The following CDH13 variants were observed in gnomAD, a reference collection of about 807,000 sequenced individuals.
CDH13 encodes cadherin-13.
A neutral mutation model predicts 63.8 loss-of-function variants in CDH13; 24 were observed. The ratio of observed to expected loss-of-function variants is 0.38; its 90% confidence interval spans 0.27 to 0.53. The LOEUF is 0.53. Among genes scored for constraint, CDH13 ranks in the 20% least tolerant of loss-of-function variants. CDH13 has a pLI of 0.85. For missense variants in CDH13, 1,049 were observed against 903.1 expected (o/e 1.16, Z -2.07); for synonymous variants, 503 against 355.3 (o/e 1.42, Z -4.67).
At chr16:83,751,926 G>A (rs1410211894) in intron 11 of CDH13, among the ~76,000 whole-genome samples, 1 of 152,234 alleles carries the variant, frequency 6.6e-6, no homozygotes, top group Non-Finnish European at 1.5e-5. Flanking sequence ...GATAGAAATG[G>A]AATAAGGAGA....
At chr16:82,705,700 A>T (rs2031431009) in intron 1 of CDH13, among the ~76,000 whole-genome samples, 1 of 152,018 alleles carries the variant, frequency 6.6e-6, no homozygotes, top group Non-Finnish European at 1.5e-5. Flanking sequence ...AATTTTAGAG[A>T]CTTAAAAAAA....
intron 7 of CDH13, among the ~76,000 whole-genome samples, chr16:83,487,975 A>G (rs544496673): frequency 6.6e-6 from 1 of 152,206 alleles, no homozygotes; most frequent in Non-Finnish European, 1.5e-5. Context: ...GCCTGTAGCC[A>G]TCATATAGCA....
At chr16:83,658,676 C>T (rs1913124528) in intron 8 of CDH13, among the ~76,000 whole-genome samples, 2 of 151,776 alleles carry the variant, frequency 1.3e-5, no homozygotes, top group South Asian at 2.1e-4. Flanking sequence ...CCAGCAAGGT[C>T]CCATATCCTC....
chr16:83,528,538 A>G (rs957034902), intron 7 of CDH13, among the ~76,000 whole-genome samples: 12 of 152,068 alleles, frequency 7.9e-5, no homozygotes, highest in African/African-American at 2.7e-4. Context: ...AGCCCTTGGG[A>G]GGGCACTTAT....
intron 1 of CDH13, among the ~76,000 whole-genome samples, chr16:82,801,753 T>C (rs574933219): frequency 6.6e-6 from 1 of 152,348 alleles, no homozygotes; most frequent in Admixed American, 6.5e-5. Context: ...ACCCAGAGCC[T>C]TGTAACAATC....
intron 4 of CDH13, among the ~76,000 whole-genome samples, chr16:83,154,854 G>C (rs532994384): frequency 6.6e-6 from 1 of 152,046 alleles, no homozygotes; most frequent in Non-Finnish European, 1.5e-5. Flanking sequence ...TATTTCAACC[G>C]GTTTTTCTGT....
intron 3 of CDH13, among the ~76,000 whole-genome samples, chr16:83,049,003 G>A (rs1019691368): frequency 1.3e-5 from 2 of 152,152 alleles, no homozygotes; most frequent in Non-Finnish European, 2.9e-5. Flanking sequence ...TTTGAAGGTC[G>A]TGGAAACTGA....
intron 8 of CDH13, among the ~76,000 whole-genome samples, chr16:83,612,821 C>A (rs1039321609): frequency 6.6e-6 from 1 of 152,080 alleles, no homozygotes; most frequent in African/African-American, 2.4e-5. Flanking sequence ...ATCCTCCTAC[C>A]TTCTGAGATA....
At chr16:83,666,987 CTGGATGGA>C (rs35753725) in intron 8 of CDH13, among the ~76,000 whole-genome samples, 46 of 144,462 alleles carry the variant, frequency 3.2e-4, no homozygotes, top group East Asian at 1.0e-3. Context: ...TGGTGTAACC[CTGGATGGA>C]TGGATGGATG....
At chr16:83,056,265 T>C (rs539015532) in intron 3 of CDH13, among the ~76,000 whole-genome samples, 1 of 152,318 alleles carries the variant, frequency 6.6e-6, no homozygotes, top group South Asian at 2.1e-4. Context: ...ACTGTAAAGC[T>C]GAACATTCTT....
At position 82,858,359 on chromosome 16, in the gene CDH13, C is replaced by T. The variant is rs1178686209; in HGVS notation, c.46-3C>T. 4 of 1,603,248 alleles carry T rather than the reference C, an allele frequency of 2.5e-6. No individual in the cohort carries two copies. Among genetic ancestry groups the T allele is most frequent in the Non-Finnish European group, 3.4e-6 (4 of 1,170,530 alleles). On this transcript the variant is annotated splice_region_variant and splice_polypyrimidine_tract_variant and intron_variant, in intron 1 of 13. Transcript: ENST00000567109. ...AAAATATTGATGGCTTTGGTTTTCT[C>T]AGGTGCTGCTGCTAACATCTGCAGA...
chr16:82,749,292 A>G (rs776067094), intron 1 of CDH13, among the ~76,000 whole-genome samples: 7 of 152,146 alleles, frequency 4.6e-5, no homozygotes, highest in Non-Finnish European at 5.9e-5. Context: ...ACATGCACCA[A>G]TATATTATCT....
intron 6 of CDH13, among the ~76,000 whole-genome samples, chr16:83,372,250 C>T (rs2091380968): frequency 6.6e-6 from 1 of 152,160 alleles, no homozygotes; most frequent in Non-Finnish European, 1.5e-5. Context: ...CAAGATTGCT[C>T]AACTAGTGAC....
chr16:83,446,307 AAAAAAAAAAG>A (rs1567678146), intron 6 of CDH13, among the ~76,000 whole-genome samples: 1 of 151,850 alleles, frequency 6.6e-6, no homozygotes, highest in Non-Finnish European at 1.5e-5. Context: ...TCTCAAAAAA[AAAAAAAAAAG>A]AAAGAAAGAA....
chr16:83,781,723 C>G (rs912897014), intron 12 of CDH13, among the ~76,000 whole-genome samples: 2 of 151,752 alleles, frequency 1.3e-5, no homozygotes, highest in African/African-American at 2.4e-5. Context: ...GAATAATCAT[C>G]TCCAGTTCTT....
At chr16:82,900,811 C>A (rs184312806) in intron 2 of CDH13, among the ~76,000 whole-genome samples, 19 of 152,340 alleles carry the variant, frequency 1.2e-4, no homozygotes, top group Admixed American at 2.6e-4. Flanking sequence ...CACTTCCTTT[C>A]TGGCTGGGTA....
intron 1 of CDH13, among the ~76,000 whole-genome samples, chr16:82,732,555 T>C (rs1010788755): frequency 1.3e-5 from 2 of 152,222 alleles, no homozygotes. Flanking sequence ...ATGAATGGAA[T>C]GGAATGAGGG....
intron 3 of CDH13, among the ~76,000 whole-genome samples, chr16:83,099,829 G>A: frequency 6.6e-6 from 1 of 152,104 alleles, no homozygotes; most frequent in African/African-American, 2.4e-5. Context: ...GCTCAGCATA[G>A]CGCCAGACGC....
chr16:83,413,206 T>G (rs1022568675), intron 6 of CDH13, among the ~76,000 whole-genome samples: 4 of 152,230 alleles, frequency 2.6e-5, no homozygotes. Flanking sequence ...CTGTTTTGTC[T>G]AAAATTATTG....
Sources: gnomAD v4.1 joint callset for allele counts (sites outside exome capture counted in the v4.1 genomes callset) on GRCh38, gnomAD v4.1.1 for gene constraint, MANE v1.5 for transcripts, NCBI Gene and HGNC (gene_info 2026-07-23, HGNC 2026-07-21) for gene names.